The following TK2 variants were observed in gnomAD, a reference collection of about 807,000 sequenced individuals.
The protein encoded by TK2 is thymidine kinase 2, mitochondrial.
In TK2, 35 loss-of-function variants were observed where a neutral mutation model predicts 41.9. That is an observed-to-expected ratio of 0.84 (90% CI 0.64 to 1.11). The LOEUF (loss-of-function observed/expected upper bound fraction) is 1.11, where lower values mean the gene tolerates loss of function less well. TK2 is among the 50% of genes least tolerant of loss of function. TK2 has a pLI of 0.00. For synonymous variants in TK2, 128 were observed against 129.1 expected, an observed-to-expected ratio of 0.99 and a Z score of 0.06; for missense variants, 320 against 351.1, an observed-to-expected ratio of 0.91 and a Z score of 0.71.
At chr16:66,540,573 G>C (rs1204286917) in intron 3 of TK2, among the ~76,000 whole-genome samples, 1 of 152,202 alleles carries the variant, frequency 6.6e-6, no homozygotes, top group African/African-American at 2.4e-5. Flanking sequence ...AGTAACAAAA[G>C]AGAGCCATCA....
intron 2 of TK2, among the ~76,000 whole-genome samples, chr16:66,545,075 C>CA (rs1319374863): frequency 7.4e-6 from 1 of 135,158 alleles, no homozygotes; most frequent in Non-Finnish European, 1.5e-5. Flanking sequence ...GTCTGGGTGA[C>CA]AGAGTGAGAC....
In TK2 at chr16:66,548,699, A is replaced by G. The variant is rs1597114033; in HGVS notation, c.156+279T>C. The G allele has an allele frequency of 9.5e-6, 4 of 422,694 alleles. No individual in the cohort carries two copies. The East Asian group carries it at 1.7e-4, about 18-fold the overall frequency. The allele number at this position is 422,694 out of a possible 1,614,324, so 26.2% of individuals were successfully genotyped here. ...CCACAACACAATGAGCGTTTTTCAA[A>G]TCCTTTCACAATCATCCCTTAAGCT... On this transcript the variant is annotated intron_variant, in intron 2 of 9. Transcript: ENST00000544898.
Position 66,511,763 on chromosome 16 carries a change from G to C in TK2, c.*205C>G, listed in dbSNP as rs930829221. On this transcript the variant is annotated 3_prime_UTR_variant, in exon 10 of 10. Coordinates refer to ENST00000544898, the MANE Select transcript of TK2 (RefSeq NM_004614.5). The stretch of plus-strand genomic sequence containing the variant: ...GAGGCTGCGAACAGCAAAGGGCTTG[G>C]CAAACCCATTGGTCCCGTTTGTCAT... The C allele has an allele frequency of 9.5e-6, 6 of 631,648 alleles. No individual in the cohort carries two copies. The highest frequency in any genetic ancestry group is 1.7e-5 in the Non-Finnish European group (6 of 350,532). 39.1% of individuals were successfully genotyped at this position (631,648 alleles called of 1,614,324 possible). A position where few individuals can be genotyped will look rare whatever the true frequency, so the allele number is the denominator to read the frequency against.
chr16:66,521,947 C>A (rs376554907), intron 6 of TK2, among the ~76,000 whole-genome samples: 7 of 152,358 alleles, frequency 4.6e-5, no homozygotes, highest in African/African-American at 1.4e-4. Context: ...GAGAGCCCCC[C>A]AGTCTGTGCG....
intron 1 of TK2, chr16:66,549,403 C>T: frequency 9.1e-7 from 1 of 1,097,574 alleles, no homozygotes; most frequent in Non-Finnish European, 1.1e-6. Flanking sequence ...CCTCTAGGCC[C>T]AGGGCGGGCA....
intron 4 of TK2, among the ~76,000 whole-genome samples, chr16:66,536,078 C>T (rs567564801): frequency 6.6e-6 from 1 of 152,054 alleles, no homozygotes; most frequent in African/African-American, 2.4e-5. Flanking sequence ...GTCGTGCGCA[C>T]CTGTAGTCCC....
At chr16:66,535,488 C>G (rs1965249376) in intron 4 of TK2, among the ~76,000 whole-genome samples, 1 of 152,220 alleles carries the variant, frequency 6.6e-6, no homozygotes, top group African/African-American at 2.4e-5. Context: ...ATTCCATCTT[C>G]TCCCGAATGC....
chr16:66,539,091 A>C (rs1246454995), intron 3 of TK2, among the ~76,000 whole-genome samples: 1 of 152,180 alleles, frequency 6.6e-6, no homozygotes, highest in Non-Finnish European at 1.5e-5. Context: ...TACTCACTGG[A>C]TGTTAACTAT....
chr16:66,549,379 G>A, intron 1 of TK2: 1 of 1,129,168 alleles, frequency 8.9e-7, no homozygotes, highest in East Asian at 6.1e-5. Flanking sequence ...TTTTGGGCCT[G>A]GGACCCAGGT....
chr16:66,531,500 C>G (rs183398329), intron 4 of TK2, 31 bp from the exon 5 acceptor site: 6 of 1,606,708 alleles, frequency 3.7e-6, no homozygotes, highest in Non-Finnish European at 4.3e-6. Flanking sequence ...CACTTTCCAT[C>G]AAAGTGGCAT....
chr16:66,548,381 C>A (rs1303909466), intron 2 of TK2, among the ~76,000 whole-genome samples: 9 of 152,178 alleles, frequency 5.9e-5, no homozygotes, highest in Non-Finnish European at 1.5e-5. Context: ...AGGAATTGAG[C>A]CTTGGTTTGT....
intron 4 of TK2, among the ~76,000 whole-genome samples, chr16:66,532,928 C>T (rs1965160652): frequency 6.6e-6 from 1 of 151,734 alleles, no homozygotes; most frequent in South Asian, 2.1e-4. Flanking sequence ...CCAAAGCAAT[C>T]CTGAGCAAAA....
chr16:66,510,555 G>C lies in TK2; in HGVS notation c.*1413C>G, dbSNP rs907878178. 2 of 152,170 alleles carry C rather than the reference G, an allele frequency of 1.3e-5. No homozygotes were observed. The highest frequency in any genetic ancestry group is 4.8e-5 in the African/African-American group (2 of 41,448). The allele number at this position is 152,170 out of a possible 1,614,324, so 9.4% of individuals were successfully genotyped here. ...GGCACTTGGCACCTCTGCAGAGTCGGAGCATTGCATGCACAGGTGCCCACA... is the reference window on the plus strand; with the variant it reads ...GGCACTTGGCACCTCTGCAGAGTCGCAGCATTGCATGCACAGGTGCCCACA... On this transcript the variant is annotated 3_prime_UTR_variant, in exon 10 of 10. Transcript: ENST00000544898.
At chr16:66,512,811 G>A (rs1240885873) in intron 9 of TK2, among the ~76,000 whole-genome samples, 1 of 152,082 alleles carries the variant, frequency 6.6e-6, no homozygotes, top group Non-Finnish European at 1.5e-5. Flanking sequence ...AATTACTACA[G>A]TAATATCTCA....
At chr16:66,529,507 C>T (rs1965042419) in intron 5 of TK2, among the ~76,000 whole-genome samples, 2 of 152,236 alleles carry the variant, frequency 1.3e-5, no homozygotes, top group Admixed American at 6.5e-5. Context: ...GGTACAGCCC[C>T]AAGAGGGTCG....
At chr16:66,529,091 C>A (rs574806589) in intron 5 of TK2, 24 bp from the exon 6 acceptor site, 1 of 1,611,406 alleles carries the variant, frequency 6.2e-7, no homozygotes, top group South Asian at 1.1e-5. Context: ...AAAAGAGAAT[C>A]ACTAACTCAG....
chr16:66,532,451 A>G (rs1474112563), intron 4 of TK2, among the ~76,000 whole-genome samples: 3 of 152,004 alleles, frequency 2.0e-5, no homozygotes, highest in Non-Finnish European at 4.4e-5. Context: ...TAAAAATACA[A>G]AAAATTAGCT....
chr16:66,525,184 G>A (rs566962839), intron 6 of TK2, among the ~76,000 whole-genome samples: 3 of 152,252 alleles, frequency 2.0e-5, no homozygotes, highest in African/African-American at 7.2e-5. Flanking sequence ...CAGTTCACAA[G>A]TGAATCACTT....
intron 9 of TK2, among the ~76,000 whole-genome samples, chr16:66,512,517 C>T (rs779679783): frequency 2.0e-5 from 3 of 152,186 alleles, no homozygotes; most frequent in Non-Finnish European, 4.4e-5. Flanking sequence ...TGCAGTGGCT[C>T]ACGCCTGTGA....
Sources: gnomAD v4.1 joint callset for allele counts (sites outside exome capture counted in the v4.1 genomes callset) on GRCh38, gnomAD v4.1.1 for gene constraint, MANE v1.5 for transcripts, NCBI Gene and HGNC (gene_info 2026-07-23, HGNC 2026-07-21) for gene names.